The following MTMR2 variants were observed in gnomAD, a reference collection of about 807,000 sequenced individuals.
MTMR2 encodes the protein phosphatidylinositol-3,5-bisphosphate 3-phosphatase MTMR2.
In MTMR2, 55 loss-of-function variants were observed where a neutral mutation model predicts 86.9. The observed-to-expected ratio is 0.63, with a 90% CI of 0.51 to 0.79. The LOEUF is 0.79. MTMR2 is among the 30% of genes least tolerant of loss of function. The probability of loss-of-function intolerance (pLI) is 0.00; values close to 1 mark genes in which losing one functional copy is unlikely to be tolerated. For synonymous variants in MTMR2, 241 were observed against 266.8 expected, an observed-to-expected ratio of 0.90 and a Z score of 0.94; for missense variants, 659 against 772.3, an observed-to-expected ratio of 0.85 and a Z score of 1.74.
At chr11:95,889,851 A>C (rs1279452086) in intron 1 of MTMR2, among the ~76,000 whole-genome samples, 1 of 152,246 alleles carries the variant, frequency 6.6e-6, no homozygotes, top group Non-Finnish European at 1.5e-5. Flanking sequence ...AAATACTTTG[A>C]ATTGGGTGTT....
chr11:95,897,562 A>C (rs1384335648), intron 1 of MTMR2, among the ~76,000 whole-genome samples: 5 of 152,076 alleles, frequency 3.3e-5, no homozygotes, highest in African/African-American at 1.2e-4. Flanking sequence ...CAAATTCAAC[A>C]CCCTTACTTA....
chr11:95,905,241 T>C (rs1202566360), intron 1 of MTMR2, among the ~76,000 whole-genome samples: 1 of 151,912 alleles, frequency 6.6e-6, no homozygotes, highest in East Asian at 1.9e-4. Flanking sequence ...ACTCCTCCTC[T>C]CCTTAATGAT....
chr11:95,891,881 A>G (rs1214812879), intron 1 of MTMR2, among the ~76,000 whole-genome samples: 1 of 152,076 alleles, frequency 6.6e-6, no homozygotes, highest in Non-Finnish European at 1.5e-5. Context: ...GGATAGAGGG[A>G]GAGAGGGAGA....
At chr11:95,921,667 A>T (rs1035324097) in intron 1 of MTMR2, among the ~76,000 whole-genome samples, 3 of 152,254 alleles carry the variant, frequency 2.0e-5, no homozygotes, top group African/African-American at 7.2e-5. Context: ...AGATACATAG[A>T]ATTTAGCAGG....
chr11:95,885,988 T>C (rs1334733696), intron 2 of MTMR2, among the ~76,000 whole-genome samples: 1 of 152,056 alleles, frequency 6.6e-6, no homozygotes, highest in Non-Finnish European at 1.5e-5. Flanking sequence ...ACATGGTCTA[T>C]AAAATACCAT....
chr11:95,908,109 C>A (rs1333414456), intron 1 of MTMR2, among the ~76,000 whole-genome samples: 7 of 151,934 alleles, frequency 4.6e-5, no homozygotes, highest in Non-Finnish European at 1.0e-4. Context: ...AGTCTCTGCC[C>A]AAAAGCTACT....
chr11:95,847,895 T>G lies in MTMR2; in HGVS notation c.998A>C (p.Lys333Thr). 1 of 1,613,418 alleles carries G rather than the reference T, an allele frequency of 6.2e-7. No homozygotes were observed. Among genetic ancestry groups the G allele is most frequent in the Non-Finnish European group, 8.5e-7 (1 of 1,179,562 alleles). The change falls in exon 10 of 15, where the codon AAG becomes ACG. Residue 333 changes from lysine to threonine, a missense_variant. Coordinates refer to ENST00000346299, the MANE Select transcript of MTMR2 (RefSeq NM_016156.6). Reference protein sequence around the residue: ...PSVNAVANKAKGGGYESEDAY... With the variant: ...PSVNAVANKATGGGYESEDAY... ...ATCTTCACTTTCATAACCTCCACCCTTTGCCTGGAAAAAAGCACACATCAT... is the reference window on the plus strand; with the variant it reads ...ATCTTCACTTTCATAACCTCCACCCGTTGCCTGGAAAAAAGCACACATCAT...
intron 2 of MTMR2, 87 bp from the exon 3 acceptor site, chr11:95,865,763 G>T: frequency 9.1e-7 from 1 of 1,102,026 alleles, no homozygotes; most frequent in Non-Finnish European, 1.4e-6. Context: ...ACTTGCTCTT[G>T]AAGTTATAAC....
rs554173337 is a variant in MTMR2, at chr11:95,905,851, C to T, written c.81-17590G>A. 1.8e-4 allele frequency among the ~76,000 whole-genome samples: 27 copies of T among 150,994 alleles called. 2 individuals are homozygous for T. The South Asian group carries it at 1.9e-3, about 11-fold the overall frequency. On this transcript the variant is annotated intron_variant, in intron 1 of 14. Transcript: ENST00000346299. Reference sequence around the variant, plus strand: ...AAAATAAGGAGATAATATATAGGCTCAAAGTAAAGGGATAGAGAAAAACCT... The same window carrying T: ...AAAATAAGGAGATAATATATAGGCTTAAAGTAAAGGGATAGAGAAAAACCT...
intron 6 of MTMR2, among the ~76,000 whole-genome samples, chr11:95,857,913 G>GT (rs559947139): frequency 1.1e-4 from 16 of 152,010 alleles, no homozygotes; most frequent in Non-Finnish European, 1.9e-4. Flanking sequence ...GGTAGCCTTT[G>GT]TAGGTTTACT....
intron 7 of MTMR2, 23 bp downstream of exon 7, chr11:95,857,504 ATGAAAAGAATACAAAATACTAAAAT>A: frequency 7.2e-7 from 1 of 1,389,794 alleles, no homozygotes; most frequent in Non-Finnish European, 1.0e-6. Flanking sequence ...TTTCTTTGGA[ATGAAAAGAATACAAAATACTAAAAT>A]TGAAAGAGAA....
At chr11:95,874,302 A>G (rs1023887291) in intron 2 of MTMR2, among the ~76,000 whole-genome samples, 4 of 152,210 alleles carry the variant, frequency 2.6e-5, no homozygotes, top group Non-Finnish European at 5.9e-5. Flanking sequence ...ATATATATTT[A>G]GGATAGTTAG....
At chr11:95,841,539 A>C (rs1316120535) in intron 12 of MTMR2, 78 bp downstream of exon 12, 1 of 993,590 alleles carries the variant, frequency 1.0e-6, no homozygotes, top group East Asian at 2.4e-5. Flanking sequence ...TCTATAGGCT[A>C]ATCAGTGACC....
In MTMR2 at chr11:95,887,686, T is replaced by TCAAATCAGGAGAAAAGTTGTC; in HGVS notation, c.186+469_186+470insGACAACTTTTCTCCTGATTTG. The TCAAATCAGGAGAAAAGTTGTC allele has an allele frequency of 2.3e-5, 4 of 171,472 alleles. 2 individuals carry two copies. The highest frequency in any genetic ancestry group is 5.0e-5 in the Non-Finnish European group (4 of 80,584). The allele number at this position is 171,472 out of a possible 1,614,324, so 10.6% of individuals were successfully genotyped here. ...AGCTCCCGAACTGGACTGCATGGGCTGGAACACCGGCAATAGAATTTATTA... is the reference window on the plus strand; with the variant it reads ...AGCTCCCGAACTGGACTGCATGGGCTCAAATCAGGAGAAAAGTTGTCGGAACACCGGCAATAGAATTTATTA... On this transcript the variant is annotated intron_variant, in intron 2 of 14. Coordinates refer to ENST00000346299, the MANE Select transcript of MTMR2 (RefSeq NM_016156.6).
At chr11:95,878,848 A>C (rs553376480) in intron 2 of MTMR2, among the ~76,000 whole-genome samples, 9 of 152,274 alleles carry the variant, frequency 5.9e-5, no homozygotes, top group Non-Finnish European at 1.0e-4. Flanking sequence ...AATAGATATA[A>C]TATTATCTAA....
At chr11:95,869,996 A>G (rs1016576996) in intron 2 of MTMR2, among the ~76,000 whole-genome samples, 8 of 152,188 alleles carry the variant, frequency 5.3e-5, no homozygotes, top group Non-Finnish European at 1.2e-4. Flanking sequence ...GCATTTTTCT[A>G]AACTCATAGA....
At chr11:95,845,882 T>TAAAAAAAAAAAA (rs201863810) in intron 10 of MTMR2, among the ~76,000 whole-genome samples, 3 of 90,072 alleles carry the variant, frequency 3.3e-5, no homozygotes, top group Admixed American at 1.2e-4. Context: ...TATGGTATCT[T>TAAAAAAAAAAAA]AAAAAAAAAA....
At position 95,841,626 on chromosome 11, in the gene MTMR2, C is replaced by T. The variant is rs1302229712; in HGVS notation, c.1470G>A (p.Met490Ile). The T allele has an allele frequency of 6.2e-7, 1 of 1,610,150 alleles. No homozygotes were observed. The highest frequency in any genetic ancestry group is 8.5e-7 in the Non-Finnish European group (1 of 1,176,448). Residue 490 changes from methionine to isoleucine, a missense_variant, in exon 12 of 15, where the codon ATG becomes ATA. Physicochemically the swap from Met to Ile is conservative, Grantham distance 10. This residue lies in a region of MTMR2 where 193 missense variants were observed against 191.6 expected (regional missense o/e 1.01). Transcript: ENST00000346299. ...FLQFIDCVWQ[M>I]TRQFPTAFEF... ...AGGCCAGATAAATTACCTGTCTTGT[C>T]ATCTGCCAGACACAGTCAATAAATT...
intron 12 of MTMR2, 42 bp downstream of exon 12, chr11:95,841,575 C>CTTTT (rs1173218824): frequency 1.4e-6 from 2 of 1,422,714 alleles, no homozygotes; most frequent in Non-Finnish European, 2.0e-6. Flanking sequence ...GACAGGAAAA[C>CTTTT]TGAAAGGAGA....
Sources: allele counts gnomAD v4.1 joint callset (sites outside exome capture counted in the v4.1 genomes callset), GRCh38; gene constraint gnomAD v4.1.1; regional missense constraint gnomAD v4.1.1; transcripts MANE v1.5; gene names NCBI Gene and HGNC (gene_info 2026-07-23, HGNC 2026-07-21).